Variants in LRFN5 observed in about 807,000 individuals in gnomAD.
LRFN5 encodes leucine-rich repeat and fibronectin type-III domain-containing protein 5.
LRFN5 carries 24 observed loss-of-function variants against 45.6 expected under a neutral mutation model. The ratio of observed to expected loss-of-function variants is 0.53; its 90% confidence interval spans 0.38 to 0.74. The LOEUF (loss-of-function observed/expected upper bound fraction) is 0.74. Ranked by LOEUF, LRFN5 falls within the 30% of genes least tolerant of loss-of-function variation. The probability of loss-of-function intolerance (pLI) is 0.00; values close to 1 mark genes in which losing one functional copy is unlikely to be tolerated. For missense variants in LRFN5, 776 were observed against 861.5 expected, an observed-to-expected ratio of 0.90 and a Z score of 1.24; for synonymous variants, 340 against 313.8, an observed-to-expected ratio of 1.08 and a Z score of -0.88.
intron 1 of LRFN5, among the ~76,000 whole-genome samples, chr14:41,691,179 A>G (rs567048633): frequency 1.3e-5 from 2 of 151,666 alleles, no homozygotes; most frequent in East Asian, 3.9e-4. Context: ...TACTCTGAAC[A>G]TTTTTTTCAG....
chr14:41,789,766 A>C (rs1886852805), intron 2 of LRFN5, among the ~76,000 whole-genome samples: 1 of 151,994 alleles, frequency 6.6e-6, no homozygotes, highest in South Asian at 2.1e-4. Flanking sequence ...GTATCTGCTA[A>C]GATAAACATA....
chr14:41,788,660 CA>C (rs1886814241), intron 2 of LRFN5, among the ~76,000 whole-genome samples: 1 of 152,200 alleles, frequency 6.6e-6, no homozygotes, highest in Non-Finnish European at 1.5e-5. Flanking sequence ...AAGGAATCTA[CA>C]TTAACATGCT....
intron 2 of LRFN5, among the ~76,000 whole-genome samples, chr14:41,822,889 A>T: frequency 1.5e-5 from 2 of 133,302 alleles, no homozygotes; most frequent in African/African-American, 5.7e-5. Flanking sequence ...TCTCTTTCTC[A>T]TTATATAATT....
chr14:41,748,259 T>C (rs981043306), intron 1 of LRFN5, among the ~76,000 whole-genome samples: 12 of 152,034 alleles, frequency 7.9e-5, no homozygotes, highest in African/African-American at 2.9e-4. Flanking sequence ...AAGCTAAAAG[T>C]TGGAAACAAT....
intron 1 of LRFN5, among the ~76,000 whole-genome samples, chr14:41,668,028 A>G (rs1880988285): frequency 6.6e-6 from 1 of 152,086 alleles, no homozygotes; most frequent in East Asian, 1.9e-4. Context: ...GGAAGGTCGA[A>G]CCTTGTGCTT....
chr14:41,738,901 A>T (rs1027882393), intron 1 of LRFN5, among the ~76,000 whole-genome samples: 3 of 152,220 alleles, frequency 2.0e-5, no homozygotes, highest in African/African-American at 7.2e-5. Flanking sequence ...TTTACAACAA[A>T]TGAATCTAAC....
Position 41,887,119 on chromosome 14 carries a change from A to T in LRFN5, c.494A>T (p.Asp165Val). 1 of 1,613,996 alleles carries T rather than the reference A, an allele frequency of 6.2e-7. No individual in the cohort carries two copies. The highest frequency in any genetic ancestry group is 1.3e-5 in the African/African-American group (1 of 75,056). Residue 165 changes from aspartate to valine, a missense_variant, in exon 3 of 6, where the codon GAT becomes GTT. Transcript: ENST00000298119. The surrounding 1 kb of genome is among the most constrained non-coding windows in gnomAD (Gnocchi z 4.8). ...SYNNLETIPW[D>V]AVEKMVSLHT... is the part of the protein sequence containing the mutation. Reference sequence around the variant, plus strand: ...AATAATCTAGAAACCATTCCTTGGGATGCTGTTGAGAAGATGGTTAGCTTG... The same window carrying T: ...AATAATCTAGAAACCATTCCTTGGGTTGCTGTTGAGAAGATGGTTAGCTTG...
chr14:41,701,529 A>G (rs1882841009), intron 1 of LRFN5: 1 of 152,236 alleles, frequency 6.6e-6, no homozygotes, highest in South Asian at 2.1e-4. Context: ...AAGTGGGTTC[A>G]TCACAAAGCA....
At chr14:41,830,728 A>C (rs1888449225) in intron 2 of LRFN5, among the ~76,000 whole-genome samples, 1 of 152,156 alleles carries the variant, frequency 6.6e-6, no homozygotes, top group African/African-American at 2.4e-5. Context: ...GAGGGGAACC[A>C]TAAAGGGAAG....
intron 2 of LRFN5, among the ~76,000 whole-genome samples, chr14:41,787,968 G>A (rs1162807367): frequency 2.0e-5 from 3 of 151,896 alleles, no homozygotes; most frequent in Non-Finnish European, 2.9e-5. Context: ...GATACCAGAG[G>A]GTTTGCTGTG....
chr14:41,836,266 A>G (rs1479147380), intron 2 of LRFN5, among the ~76,000 whole-genome samples: 8 of 152,338 alleles, frequency 5.3e-5, no homozygotes, highest in East Asian at 1.9e-4. Context: ...GTATTCTTTG[A>G]CAAAGTTTTC....
chr14:41,798,340 G>T (rs997047177), intron 2 of LRFN5, among the ~76,000 whole-genome samples: 1 of 152,072 alleles, frequency 6.6e-6, no homozygotes, highest in Non-Finnish European at 1.5e-5. Flanking sequence ...CAATGTTGCT[G>T]ATTAGAATCC....
chr14:41,792,897 G>T (rs548072517), intron 2 of LRFN5, among the ~76,000 whole-genome samples: 27 of 149,022 alleles, frequency 1.8e-4, no homozygotes, highest in Non-Finnish European at 2.8e-4. Flanking sequence ...GTATTACTTG[G>T]TTTTTTGTTT....
chr14:41,896,521 A>C (rs1890944366), intron 4 of LRFN5, among the ~76,000 whole-genome samples: 1 of 152,186 alleles, frequency 6.6e-6, no homozygotes, highest in African/African-American at 2.4e-5. Flanking sequence ...GCTAATAATA[A>C]CACTGTACCT....
rs565945980 is a variant in LRFN5, at chr14:41,676,357, G to GA, written c.-197+67803dup. 5.9e-5 allele frequency among the ~76,000 whole-genome samples: 9 copies of GA among 151,954 alleles called. No individual in the cohort carries two copies. The South Asian group carries it at 1.2e-3, about 21-fold the overall frequency. On this transcript the variant is annotated intron_variant, in intron 1 of 5. Coordinates refer to ENST00000298119, the MANE Select transcript of LRFN5 (RefSeq NM_152447.5). ...GCAGTGGCCTATATGGCTCTGCCTA[G>GA]AAAAAAAAGGCAGACCTTAAGCTCA...
Position 41,845,448 on chromosome 14 carries a change from A to G in LRFN5, c.-20-41158A>G, listed in dbSNP as rs140761761. ...GTCTGCCATATGCATGTATATTTAC[A>G]TATTTGCATGGTGTATCTAAACAAA... On this transcript the variant is annotated intron_variant, in intron 2 of 5. Coordinates refer to ENST00000298119, the MANE Select transcript of LRFN5 (RefSeq NM_152447.5). 2.6e-5 allele frequency among the ~76,000 whole-genome samples: 4 copies of G among 152,254 alleles called. No individual in the cohort carries two copies. The East Asian group carries it at 7.7e-4, about 29-fold the overall frequency.
Position 41,766,590 on chromosome 14 carries a change from C to T in LRFN5, c.-196-264C>T, listed in dbSNP as rs200584573. On this transcript the variant is annotated intron_variant, in intron 1 of 5. Coordinates refer to ENST00000298119, the MANE Select transcript of LRFN5 (RefSeq NM_152447.5). ...AATATGATGAAATCGAACTATACAGCTTAAGATTATTTAAATTATCCTCAG... is the reference window on the plus strand; with the variant it reads ...AATATGATGAAATCGAACTATACAGTTTAAGATTATTTAAATTATCCTCAG... Among the ~76,000 whole-genome samples, 30 of 152,192 alleles carry T rather than the reference C, an allele frequency of 2.0e-4. 1 individual carries two copies. The East Asian group carries it at 5.4e-3, about 27-fold the overall frequency.
intron 2 of LRFN5, among the ~76,000 whole-genome samples, chr14:41,844,317 G>C (rs1041888941): frequency 1.3e-5 from 2 of 151,550 alleles, no homozygotes; most frequent in Admixed American, 1.3e-4. Context: ...GGCACCTGTA[G>C]TCCCAGCTAC....
chr14:41,814,446 C>A (rs1275533855), intron 2 of LRFN5, among the ~76,000 whole-genome samples: 1 of 152,062 alleles, frequency 6.6e-6, no homozygotes, highest in East Asian at 1.9e-4. Context: ...TTCCTGTGTA[C>A]CCTATTTACA....
Sources: allele counts gnomAD v4.1 joint callset (sites outside exome capture counted in the v4.1 genomes callset), GRCh38; gene constraint gnomAD v4.1.1; non-coding constraint Gnocchi (gnomAD v3.1); transcripts MANE v1.5; gene names NCBI Gene and HGNC (gene_info 2026-07-23, HGNC 2026-07-21).